Variants in FRY observed in about 807,000 individuals in gnomAD.
FRY encodes the protein protein furry homolog.
A neutral mutation model predicts 348.4 loss-of-function variants in FRY; 128 were observed. That is an observed-to-expected ratio of 0.37 (90% CI 0.32 to 0.43). FRY has a LOEUF of 0.43. FRY is among the 20% of genes least tolerant of loss of function. The pLI, the probability that FRY is intolerant of heterozygous loss-of-function variation, is 1.00. For missense variants in FRY, 2,736 were observed against 3,695.2 expected (o/e 0.74, Z 6.73); for synonymous variants, 1,370 against 1,374.7 (o/e 1.00, Z 0.08).
chr13:32,068,658 C>T (rs938431405), intron 1 of FRY, among the ~76,000 whole-genome samples: 3 of 152,204 alleles, frequency 2.0e-5, no homozygotes, highest in Non-Finnish European at 4.4e-5. Context: ...CTAACTTTCT[C>T]TTTATTGAAC....
At chr13:32,055,300 C>T (rs137919139) in intron 1 of FRY, among the ~76,000 whole-genome samples, 2 of 152,170 alleles carry the variant, frequency 1.3e-5, no homozygotes, top group Non-Finnish European at 2.9e-5. Context: ...ACCTCGACCT[C>T]CCAAAGTGGT....
chr13:32,143,076 G>A lies in FRY; in HGVS notation c.1180-4206G>A, dbSNP rs182616101. Among the ~76,000 whole-genome samples the A allele has an allele frequency of 2.6e-5, 4 of 152,268 alleles. No homozygotes were observed. In the East Asian group the frequency reaches 5.8e-4, roughly 22 times the overall value. Reference sequence around the variant, plus strand: ...TTGCAAAAGGGATGTTGCAGTGCAAGGTTCACCTACCACAAGGCAGAGGCA... The same window carrying A: ...TTGCAAAAGGGATGTTGCAGTGCAAAGTTCACCTACCACAAGGCAGAGGCA... On this transcript the variant is annotated intron_variant, in intron 11 of 60. Transcript: ENST00000542859.
chr13:32,250,664 A>T (rs986035896), intron 49 of FRY, among the ~76,000 whole-genome samples: 4 of 152,218 alleles, frequency 2.6e-5, no homozygotes, highest in African/African-American at 9.6e-5. Flanking sequence ...TTTCCGAGAT[A>T]AAAAGAGGGA....
chr13:32,089,990 G>A lies in FRY; in HGVS notation c.270+10957G>A, dbSNP rs180688557. On this transcript the variant is annotated intron_variant, in intron 2 of 60. Transcript: ENST00000542859. ...AAGTAGTTGAAGACATTTTGAATAGGAGAGGAAAGAAAGACAGGAAGTGTA... is the reference window on the plus strand; with the variant it reads ...AAGTAGTTGAAGACATTTTGAATAGAAGAGGAAAGAAAGACAGGAAGTGTA... Among the ~76,000 whole-genome samples, 473 of 152,180 alleles carry A rather than the reference G, an allele frequency of 3.1e-3. 2 individuals carry two copies. Among genetic ancestry groups the A allele is most frequent in the African/African-American group, 0.011 (463 of 41,526 alleles).
At chr13:32,186,547 C>A in intron 27 of FRY, 127 bp downstream of exon 27, 1 of 716,360 alleles carries the variant, frequency 1.4e-6, no homozygotes. Flanking sequence ...TCTAAGCGCA[C>A]ATACAAAAAA....
intron 53 of FRY, among the ~76,000 whole-genome samples, chr13:32,262,718 A>G (rs1019765434): frequency 2.0e-5 from 3 of 152,192 alleles, no homozygotes; most frequent in African/African-American, 4.8e-5. Context: ...GTCTTTTTAA[A>G]ATGAGACATT....
chr13:32,271,017 C>G (rs1479508390), intron 55 of FRY, among the ~76,000 whole-genome samples: 3 of 152,210 alleles, frequency 2.0e-5, no homozygotes. Context: ...CTGCGGCCAC[C>G]ATTCAGCCTG....
At chr13:32,117,075 T>C (rs1228400415) in intron 3 of FRY, among the ~76,000 whole-genome samples, 1 of 152,192 alleles carries the variant, frequency 6.6e-6, no homozygotes, top group African/African-American at 2.4e-5. Flanking sequence ...TGTATGCAAT[T>C]AACATCTGAT....
chr13:32,137,082 C>G, intron 11 of FRY, 110 bp downstream of exon 11: 2 of 743,624 alleles, frequency 2.7e-6, no homozygotes, highest in Non-Finnish European at 5.0e-6. Flanking sequence ...GGGAATTGTC[C>G]TATACTGGTG....
chr13:32,123,494 G>A (rs1878810065), intron 4 of FRY, among the ~76,000 whole-genome samples: 1 of 152,130 alleles, frequency 6.6e-6, no homozygotes, highest in South Asian at 2.1e-4. Flanking sequence ...AAGAAAAGTG[G>A]TAATGCCGAT....
chr13:32,268,505 AATATATATATATATATAT>A (rs869298149), intron 55 of FRY, among the ~76,000 whole-genome samples: 1 of 28,306 alleles, frequency 3.5e-5, no homozygotes, highest in Admixed American at 4.8e-4. Flanking sequence ...AAAAAAAAAA[AATATATATATATATATAT>A]ATATATATAT....
At chr13:32,273,063 GTGTTTTT>G (rs532399185) in intron 55 of FRY, among the ~76,000 whole-genome samples, 17 of 152,018 alleles carry the variant, frequency 1.1e-4, no homozygotes, top group African/African-American at 3.6e-4. Flanking sequence ...CTTCTTAATT[GTGTTTTT>G]TGTTTTTTGT....
chr13:32,175,493 G>A (rs1593698588), intron 19 of FRY, 53 bp from the exon 20 acceptor site: 2 of 1,059,648 alleles, frequency 1.9e-6, no homozygotes, highest in Admixed American at 3.4e-5. Flanking sequence ...GCGGTGGGGT[G>A]GGTGGGGAGG....
chr13:32,171,955 TA>T (rs1882109198), intron 18 of FRY, among the ~76,000 whole-genome samples: 1 of 151,552 alleles, frequency 6.6e-6, no homozygotes. Context: ...TGGATGTGGA[TA>T]TGGGTGTGGA....
intron 1 of FRY, among the ~76,000 whole-genome samples, chr13:32,044,722 T>G (rs187389983): frequency 3.5e-3 from 527 of 152,336 alleles, no homozygotes; most frequent in Admixed American, 7.5e-3. Flanking sequence ...TCCCAGTTGC[T>G]GGGGGAACTT....
intron 7 of FRY, among the ~76,000 whole-genome samples, chr13:32,130,741 G>A (rs914361610): frequency 7.2e-5 from 11 of 151,834 alleles, no homozygotes; most frequent in African/African-American, 2.7e-4. Context: ...AGATAAAACT[G>A]TAAAATTCCA....
At chr13:32,078,674 T>C (rs1340535529) in intron 1 of FRY, among the ~76,000 whole-genome samples, 160 bp from the exon 2 acceptor site, 1 of 152,154 alleles carries the variant, frequency 6.6e-6, no homozygotes, top group African/African-American at 2.4e-5. Context: ...ATGAAAATAA[T>C]AAAATTCTGA....
chr13:32,207,662 A>G (rs1884433494), intron 31 of FRY, among the ~76,000 whole-genome samples: 1 of 152,244 alleles, frequency 6.6e-6, no homozygotes, highest in African/African-American at 2.4e-5. Flanking sequence ...ACCTATATGA[A>G]ACATAATAGC....
chr13:32,188,577 G>C (rs1883157673), intron 28 of FRY, among the ~76,000 whole-genome samples: 1 of 152,078 alleles, frequency 6.6e-6, no homozygotes, highest in African/African-American at 2.4e-5. Context: ...TCTTATAATA[G>C]CAGATGTCAT....
Sources: gnomAD v4.1 joint callset for allele counts (sites outside exome capture counted in the v4.1 genomes callset) on GRCh38, gnomAD v4.1.1 for gene constraint, MANE v1.5 for transcripts, NCBI Gene and HGNC (gene_info 2026-07-23, HGNC 2026-07-21) for gene names.